TMEM45B: variants seen among roughly 807,000 people sequenced by gnomAD.
TMEM45B encodes the protein transmembrane protein 45B.
Under a neutral mutation model 27.3 loss-of-function variants are expected in TMEM45B, and 29 were observed. The observed-to-expected ratio is 1.06, with a 90% CI of 0.79 to 1.45. The LOEUF (loss-of-function observed/expected upper bound fraction) is 1.45, where lower values mean the gene tolerates loss of function less well. Among genes scored for constraint, TMEM45B ranks in the 40% most tolerant of loss-of-function variants. TMEM45B has a pLI of 0.00. For synonymous variants in TMEM45B, 143 were observed against 134.7 expected (o/e 1.06, Z -0.43); for missense variants, 348 against 343.9 (o/e 1.01, Z -0.09).
chr11:129,826,821 C>T (rs1174072904), intron 1 of TMEM45B, among the ~76,000 whole-genome samples: 1 of 151,468 alleles, frequency 6.6e-6, no homozygotes, highest in Non-Finnish European at 1.5e-5. Context: ...CATTCTCCTG[C>T]CTCAGCCTCC....
At chr11:129,826,415 G>C (rs1490941465) in intron 1 of TMEM45B, among the ~76,000 whole-genome samples, 1 of 151,604 alleles carries the variant, frequency 6.6e-6, no homozygotes, top group Non-Finnish European at 1.5e-5. Flanking sequence ...TGGGCGTGGT[G>C]GCGGGTGCCT....
rs771071910 is a variant in TMEM45B at position 129,857,378 on chromosome 11, C to T, written c.636C>T (p.Leu212=). 17 of 1,614,208 alleles carry T rather than the reference C, an allele frequency of 1.1e-5. No homozygotes were observed. The highest frequency in any genetic ancestry group is 1.4e-5 in the Non-Finnish European group (17 of 1,180,040). ...GGGACCAGAAGGATGATGCCAACCT[C>T]ATGTTCATCACCATGTGCTTCTGCT... ...PEWDQKDDAN[L]MFITMCFCWH... Residue 212 remains leucine (L), a synonymous_variant, in exon 5 of 6, where the codon CTC becomes CTT. Coordinates refer to ENST00000281441, the MANE Select transcript of TMEM45B (RefSeq NM_138788.5).
chr11:129,822,280 T>C (rs1460025378), intron 1 of TMEM45B, among the ~76,000 whole-genome samples: 1 of 152,190 alleles, frequency 6.6e-6, no homozygotes, highest in Non-Finnish European at 1.5e-5. Flanking sequence ...TTTTTCTACA[T>C]TTTAGAAGTT....
chr11:129,842,852 G>A (rs1947712182), intron 1 of TMEM45B, among the ~76,000 whole-genome samples: 1 of 152,158 alleles, frequency 6.6e-6, no homozygotes, highest in Non-Finnish European at 1.5e-5. Context: ...CATGAAGAGA[G>A]TAAAGATACC....
chr11:129,842,603 AG>A, intron 1 of TMEM45B, among the ~76,000 whole-genome samples: 1 of 152,344 alleles, frequency 6.6e-6, no homozygotes, highest in East Asian at 1.9e-4. Context: ...AAAAAAAATA[AG>A]GAAATTGGAT....
At chr11:129,851,437 G>A (rs368164388) in intron 1 of TMEM45B, among the ~76,000 whole-genome samples, 27 of 148,456 alleles carry the variant, frequency 1.8e-4, no homozygotes, top group East Asian at 7.9e-4. Flanking sequence ...CCAGCTACTC[G>A]GGAGGCTGAG....
chr11:129,815,876 C>T lies in TMEM45B; in HGVS notation c.-31C>T. The T allele has an allele frequency of 7.7e-7, 1 of 1,304,176 alleles. No individual in the cohort carries two copies. The highest frequency in any genetic ancestry group is 2.6e-5 in the South Asian group (1 of 38,760). 80.8% of individuals were successfully genotyped at this position (1,304,176 alleles called of 1,614,324 possible). ...CTTGGCGCGCGGCGCGGGCTGCAGA[C>T]GGCTGCGAGGCGCTGGGCACAGGTC... is the stretch of plus-strand genomic sequence containing the variant. On this transcript the variant is annotated 5_prime_UTR_variant, in exon 1 of 6. In the 5' UTR this introduces an upstream ATG that the reference lacks. Coordinates refer to ENST00000281441, the MANE Select transcript of TMEM45B (RefSeq NM_138788.5).
intron 2 of TMEM45B, among the ~76,000 whole-genome samples, chr11:129,853,323 C>T (rs1373518467): frequency 6.6e-6 from 1 of 152,242 alleles, no homozygotes; most frequent in African/African-American, 2.4e-5. Flanking sequence ...ACCAGCCCCA[C>T]CTGGGGGGAA....
At chr11:129,840,865 C>T (rs983100815) in intron 1 of TMEM45B, among the ~76,000 whole-genome samples, 6 of 137,688 alleles carry the variant, frequency 4.4e-5, no homozygotes, top group Admixed American at 2.4e-4. Context: ...GCAACAAGAG[C>T]GAAACTCCAT....
At chr11:129,836,905 G>A (rs1947626617) in intron 1 of TMEM45B, among the ~76,000 whole-genome samples, 1 of 152,152 alleles carries the variant, frequency 6.6e-6, no homozygotes, top group Non-Finnish European at 1.5e-5. Flanking sequence ...CCAACAGAAA[G>A]GGCCAGTCAC....
chr11:129,855,765 C>T lies in TMEM45B; in HGVS notation c.443C>T (p.Ser148Leu), dbSNP rs888891511. The change falls in exon 4 of 6, where the codon TCA becomes TTA. Residue 148 changes from serine to leucine, a missense_variant. Transcript: ENST00000281441. ...CCTCCGCTGGACCAGCACATCCACT[C>T]ACTCCTGCTGTATGCTCTGTTCGGA... Reference protein sequence around the residue: ...NRPPLDQHIHSLLLYALFGGC... With the variant: ...NRPPLDQHIHLLLLYALFGGC... The T allele has an allele frequency of 6.2e-7, 1 of 1,614,184 alleles. No individual in the cohort carries two copies. The highest frequency in any genetic ancestry group is 8.5e-7 in the Non-Finnish European group (1 of 1,180,028).
intron 1 of TMEM45B, among the ~76,000 whole-genome samples, chr11:129,831,720 G>C (rs1450944099): frequency 6.6e-6 from 1 of 152,158 alleles, no homozygotes; most frequent in Non-Finnish European, 1.5e-5. Context: ...CTACTAACAA[G>C]TGAATAAACA....
At chr11:129,838,099 GGGA>G (rs1489938595) in intron 1 of TMEM45B, among the ~76,000 whole-genome samples, 3 of 152,104 alleles carry the variant, frequency 2.0e-5, no homozygotes, top group Non-Finnish European at 4.4e-5. Context: ...TAGTCTTAAA[GGGA>G]GAAGAACATG....
rs148012733 is a variant in TMEM45B, at chr11:129,846,313, C to T, written c.-8-6162C>T. Among the ~76,000 whole-genome samples, 45 of 152,186 alleles carry T rather than the reference C, an allele frequency of 3.0e-4. No homozygotes were observed. The East Asian group carries it at 8.7e-3, about 29-fold the overall frequency. On this transcript the variant is annotated intron_variant, in intron 1 of 5. Coordinates refer to ENST00000281441, the MANE Select transcript of TMEM45B (RefSeq NM_138788.5). ...TGAAACCCTGTCTCTACTAAAAATA[C>T]AAAAATTAGCCAGGCGTGGTGGCAC...
rs574148647 is a variant in TMEM45B at position 129,816,213 on chromosome 11, T to G, written c.-9+315T>G. 2.0e-4 allele frequency among the ~76,000 whole-genome samples: 31 copies of G among 152,194 alleles called. 1 individual carries two copies. In the South Asian group the frequency reaches 5.6e-3, roughly 27 times the overall value. Reference sequence around the variant, plus strand: ...CTGGCCGCGGCCCTGGAACGAATATTGCTCAGTCCCCCGCGAGTCAGGTCT... The same window carrying G: ...CTGGCCGCGGCCCTGGAACGAATATGGCTCAGTCCCCCGCGAGTCAGGTCT... On this transcript the variant is annotated intron_variant, in intron 1 of 5. Transcript: ENST00000281441.
intron 1 of TMEM45B, among the ~76,000 whole-genome samples, chr11:129,847,789 T>C (rs1401806958): frequency 6.6e-6 from 1 of 152,178 alleles, no homozygotes; most frequent in Non-Finnish European, 1.5e-5. Flanking sequence ...TACTTCTTTC[T>C]ACACAGACAC....
At chr11:129,835,924 C>A (rs1363969430) in intron 1 of TMEM45B, among the ~76,000 whole-genome samples, 1 of 152,158 alleles carries the variant, frequency 6.6e-6, no homozygotes, top group Non-Finnish European at 1.5e-5. Context: ...TGGAGACCAG[C>A]CTGGGCAACA....
chr11:129,832,361 CTG>C (rs1242294572), intron 1 of TMEM45B, among the ~76,000 whole-genome samples: 7 of 152,142 alleles, frequency 4.6e-5, no homozygotes, highest in Admixed American at 4.6e-4. Context: ...CAGACTGAGA[CTG>C]TGTCTCAAAT....
intron 1 of TMEM45B, among the ~76,000 whole-genome samples, chr11:129,848,988 C>T (rs1028868917): frequency 6.6e-6 from 1 of 152,192 alleles, no homozygotes; most frequent in Admixed American, 6.5e-5. Context: ...ACCGGCAACA[C>T]CTGAATTTTG....
Sources: gnomAD v4.1 joint callset for allele counts (sites outside exome capture counted in the v4.1 genomes callset) on GRCh38, gnomAD v4.1.1 for gene constraint, MANE v1.5 for transcripts, NCBI Gene and HGNC (gene_info 2026-07-23, HGNC 2026-07-21) for gene names.